GRID2: variants seen among roughly 807,000 people sequenced by gnomAD.
The protein encoded by GRID2 is glutamate receptor ionotropic, delta-2.
A neutral mutation model predicts 114.8 loss-of-function variants in GRID2; 33 were observed. The observed-to-expected ratio is 0.29, with a 90% CI of 0.22 to 0.38. The LOEUF is 0.38. Ranked by LOEUF, GRID2 falls within the 10% of genes least tolerant of loss-of-function variation. The pLI is 1.00. For synonymous variants in GRID2, 505 were observed against 449.9 expected (o/e 1.12, Z -1.55); for missense variants, 1,184 against 1,257.7 (o/e 0.94, Z 0.89).
chr4:92,805,966 C>G (rs1323022752), intron 2 of GRID2, among the ~76,000 whole-genome samples: 1 of 151,800 alleles, frequency 6.6e-6, no homozygotes, highest in Non-Finnish European at 1.5e-5. Flanking sequence ...CTTCCTGGCA[C>G]TACACAATCA....
At chr4:93,301,183 A>C (rs553015293) in intron 8 of GRID2, among the ~76,000 whole-genome samples, 27 of 152,364 alleles carry the variant, frequency 1.8e-4, no homozygotes, top group African/African-American at 5.8e-4. Flanking sequence ...AGCATTTTAT[A>C]ATAGGAAACA....
At chr4:92,359,910 A>G (rs1441041954) in intron 1 of GRID2, among the ~76,000 whole-genome samples, 3 of 151,986 alleles carry the variant, frequency 2.0e-5, no homozygotes, top group Admixed American at 2.0e-4. Flanking sequence ...AAAAATCTTT[A>G]TAGTTGGGTA....
chr4:92,546,046 G>A (rs569907512), intron 1 of GRID2, among the ~76,000 whole-genome samples: 83 of 152,074 alleles, frequency 5.5e-4, no homozygotes, highest in African/African-American at 1.9e-3. Context: ...GTTAGTTTCC[G>A]ATACACCAAG....
chr4:92,483,045 A>G (rs1722694359), intron 1 of GRID2, among the ~76,000 whole-genome samples: 1 of 152,198 alleles, frequency 6.6e-6, no homozygotes, highest in Non-Finnish European at 1.5e-5. Flanking sequence ...TAGTTGGTCA[A>G]AAGTACAAGC....
At chr4:93,434,962 A>ATT (rs778110387) in intron 10 of GRID2, among the ~76,000 whole-genome samples, 2 of 149,258 alleles carry the variant, frequency 1.3e-5, no homozygotes, top group African/African-American at 2.5e-5. Context: ...TGTCCACCTC[A>ATT]TTTTTTTTTC....
chr4:92,649,285 G>C lies in GRID2; in HGVS notation c.244+58999G>C, dbSNP rs945248650. On this transcript the variant is annotated intron_variant, in intron 2 of 15. Coordinates refer to ENST00000282020, the MANE Select transcript of GRID2 (RefSeq NM_001510.4). ...AGCTATAAAACCAAGAAAGCTCATGGTGAAATTCAAAGTTTGAAGGCTTGA... is the reference window on the plus strand; with the variant it reads ...AGCTATAAAACCAAGAAAGCTCATGCTGAAATTCAAAGTTTGAAGGCTTGA... 4.7e-5 allele frequency among the ~76,000 whole-genome samples: 7 copies of C among 149,372 alleles called. No homozygotes were observed. The South Asian group carries it at 1.5e-3, about 32-fold the overall frequency.
At chr4:92,706,287 A>T (rs1045298187) in intron 2 of GRID2, among the ~76,000 whole-genome samples, 1 of 152,182 alleles carries the variant, frequency 6.6e-6, no homozygotes, top group African/African-American at 2.4e-5. Context: ...GGTTATTCTA[A>T]AAAAAGATTG....
At chr4:93,056,107 C>T (rs1197361746) in intron 2 of GRID2, among the ~76,000 whole-genome samples, 1 of 151,884 alleles carries the variant, frequency 6.6e-6, no homozygotes, top group South Asian at 2.1e-4. Flanking sequence ...TGGAAACCTG[C>T]AGGGGTGTAG....
chr4:92,734,210 T>A (rs1258077923), intron 2 of GRID2, among the ~76,000 whole-genome samples: 1 of 152,184 alleles, frequency 6.6e-6, no homozygotes, highest in Non-Finnish European at 1.5e-5. Flanking sequence ...TGAATTTAAA[T>A]TACTTAACTT....
chr4:93,020,725 T>G (rs2149245014), intron 2 of GRID2, among the ~76,000 whole-genome samples: 1 of 152,268 alleles, frequency 6.6e-6, no homozygotes, highest in African/African-American at 2.4e-5. Flanking sequence ...TTTAAAATGT[T>G]TGTGTTTCTT....
chr4:92,536,029 A>G (rs187031470), intron 1 of GRID2, among the ~76,000 whole-genome samples: 41 of 152,308 alleles, frequency 2.7e-4, no homozygotes, highest in Non-Finnish European at 4.3e-4. Context: ...TGCAGACCCA[A>G]AGAGTGAGCA....
intron 8 of GRID2, among the ~76,000 whole-genome samples, chr4:93,243,256 TG>T (rs1218289757): frequency 6.6e-6 from 1 of 152,154 alleles, no homozygotes; most frequent in Non-Finnish European, 1.5e-5. Flanking sequence ...AAAAGTATTA[TG>T]GATTAATTCA....
intron 3 of GRID2, among the ~76,000 whole-genome samples, chr4:93,105,387 C>T (rs1732118148): frequency 6.6e-6 from 1 of 152,128 alleles, no homozygotes; most frequent in Non-Finnish European, 1.5e-5. Flanking sequence ...TTGCCCATGC[C>T]TATGTCCTGA....
chr4:93,631,871 G>A (rs1455073483), intron 14 of GRID2, among the ~76,000 whole-genome samples: 1 of 152,126 alleles, frequency 6.6e-6, no homozygotes, highest in African/African-American at 2.4e-5. Flanking sequence ...ATCCTCTCCA[G>A]TACCTGTTGT....
chr4:93,116,624 G>C (rs1429995599), intron 4 of GRID2, among the ~76,000 whole-genome samples: 1 of 151,868 alleles, frequency 6.6e-6, no homozygotes, highest in East Asian at 1.9e-4. Context: ...TCTGTTTCTG[G>C]TGCATCCTTA....
intron 8 of GRID2, among the ~76,000 whole-genome samples, chr4:93,384,688 A>G (rs541116885): frequency 1.3e-4 from 20 of 152,278 alleles, no homozygotes; most frequent in Admixed American, 9.2e-4. Context: ...ATGTATTTAC[A>G]CTAATGCACG....
intron 4 of GRID2, among the ~76,000 whole-genome samples, chr4:93,195,633 T>A (rs1269546187): frequency 6.6e-6 from 1 of 152,050 alleles, no homozygotes; most frequent in Non-Finnish European, 1.5e-5. Flanking sequence ...GCCTTGAGAA[T>A]GGAAGAAGAG....
chr4:92,495,229 T>G (rs1723330396), intron 1 of GRID2, among the ~76,000 whole-genome samples: 1 of 152,030 alleles, frequency 6.6e-6, no homozygotes, highest in African/African-American at 2.4e-5. Flanking sequence ...TCAAGCTCCC[T>G]GTGTTCATAT....
At chr4:93,214,847 CA>C (rs1743999615) in intron 5 of GRID2, among the ~76,000 whole-genome samples, 2 of 151,978 alleles carry the variant, frequency 1.3e-5, no homozygotes, top group Admixed American at 1.3e-4. Flanking sequence ...TGTATCTTTA[CA>C]GTTTTAATTT....
Sources: allele counts gnomAD v4.1 joint callset (sites outside exome capture counted in the v4.1 genomes callset), GRCh38; gene constraint gnomAD v4.1.1; transcripts MANE v1.5; gene names NCBI Gene and HGNC (gene_info 2026-07-23, HGNC 2026-07-21).